Variants in ZNF131 observed in about 807,000 individuals in gnomAD.
ZNF131 encodes zinc finger and BTB domain containing 35, also known as zinc finger protein 131.
A neutral mutation model predicts 60.0 loss-of-function variants in ZNF131; 7 were observed. That is an observed-to-expected ratio of 0.12 (90% CI 0.07 to 0.22). The LOEUF is 0.22. Ranked by LOEUF, ZNF131 falls within the 10% of genes least tolerant of loss-of-function variation. The pLI is 1.00. For missense variants in ZNF131, 493 were observed against 740.9 expected (o/e 0.67, Z 3.88); for synonymous variants, 257 against 253.2 (o/e 1.01, Z -0.14).
rs1180633441 is a variant in ZNF131, at chr5:43,128,674, A to C, written c.226+5364A>C. Among the ~76,000 whole-genome samples the C allele has an allele frequency of 3.5e-3, 536 of 151,268 alleles. 4 individuals are homozygous for C. The highest frequency in any genetic ancestry group is 0.012 in the African/African-American group (509 of 41,302). ...TCCATCTCAAAAAAAAAAAAAAAAA[A>C]AAACACACCTGGGGTGCTCATAATA... is the stretch of plus-strand genomic sequence containing the variant. On this transcript the variant is annotated intron_variant, in intron 3 of 6. Transcript: ENST00000682664.
At chr5:43,159,907 G>T (rs948428416) in intron 4 of ZNF131, among the ~76,000 whole-genome samples, 6 of 151,982 alleles carry the variant, frequency 3.9e-5, no homozygotes, top group Non-Finnish European at 8.8e-5. Context: ...GGGCGCGGTG[G>T]CCCACGCCTG....
intron 2 of ZNF131, 69 bp downstream of exon 2, chr5:43,122,246 CTTTT>C (rs35497367): frequency 0.019 from 18,882 of 1,014,656 alleles, no homozygotes; most frequent in Middle Eastern, 0.032. Context: ...GGACACCCGC[CTTTT>C]TTTTTTTTTT....
At chr5:43,124,413 C>T (rs530673782) in intron 3 of ZNF131, 1 of 152,198 alleles carries the variant, frequency 6.6e-6, no homozygotes, top group South Asian at 2.1e-4. Context: ...TGCCTAGAAA[C>T]TCCTTTTTTC....
At chr5:43,138,478 C>A (rs939980397) in intron 3 of ZNF131, among the ~76,000 whole-genome samples, 1 of 152,044 alleles carries the variant, frequency 6.6e-6, no homozygotes, top group Non-Finnish European at 1.5e-5. Flanking sequence ...CATGGGGAAA[C>A]CCCATCTCTA....
At chr5:43,131,324 C>T (rs377728732) in intron 3 of ZNF131, among the ~76,000 whole-genome samples, 4 of 151,716 alleles carry the variant, frequency 2.6e-5, no homozygotes, top group Non-Finnish European at 4.4e-5. Flanking sequence ...AGGCGTGCAC[C>T]ACCACACCCG....
intron 5 of ZNF131, among the ~76,000 whole-genome samples, chr5:43,167,500 G>A (rs1219234519): frequency 1.3e-5 from 2 of 152,012 alleles, no homozygotes; most frequent in African/African-American, 4.8e-5. Flanking sequence ...TTCTCAAAAC[G>A]TATATACCCC....
chr5:43,147,899 A>G (rs1021196366), intron 4 of ZNF131, among the ~76,000 whole-genome samples: 1 of 151,644 alleles, frequency 6.6e-6, no homozygotes, highest in Non-Finnish European at 1.5e-5. Flanking sequence ...CTAAAAATAC[A>G]AAAAAATATC....
intron 3 of ZNF131, among the ~76,000 whole-genome samples, chr5:43,138,079 G>C (rs929886967): frequency 6.6e-6 from 1 of 152,166 alleles, no homozygotes; most frequent in Non-Finnish European, 1.5e-5. Flanking sequence ...GTTGCTAGGG[G>C]CTGGGAGGGA....
At chr5:43,134,533 C>T (rs530263649) in intron 3 of ZNF131, among the ~76,000 whole-genome samples, 1 of 152,008 alleles carries the variant, frequency 6.6e-6, no homozygotes, top group Admixed American at 6.6e-5. Context: ...GAAGTAAATG[C>T]CATCCAAGTA....
intron 5 of ZNF131, among the ~76,000 whole-genome samples, chr5:43,162,632 G>A (rs1307095969): frequency 2.7e-5 from 4 of 149,864 alleles, no homozygotes; most frequent in Non-Finnish European, 5.9e-5. Flanking sequence ...GGCCAGGCGC[G>A]GTGGCTCACG....
intron 4 of ZNF131, among the ~76,000 whole-genome samples, chr5:43,153,058 A>G (rs1460618850): frequency 2.0e-5 from 3 of 152,154 alleles, no homozygotes; most frequent in Non-Finnish European, 4.4e-5. Context: ...AAGGTCAGGT[A>G]CAAGAAGGGC....
At chr5:43,135,249 C>A (rs945033190) in intron 3 of ZNF131, among the ~76,000 whole-genome samples, 2 of 149,224 alleles carry the variant, frequency 1.3e-5, no homozygotes, top group Non-Finnish European at 3.0e-5. Context: ...CCAACCTCGG[C>A]CTCCCAAAGT....
At chr5:43,126,560 T>G (rs1744576289) in intron 3 of ZNF131, among the ~76,000 whole-genome samples, 1 of 152,204 alleles carries the variant, frequency 6.6e-6, no homozygotes, top group Non-Finnish European at 1.5e-5. Context: ...AAGAGTTTCT[T>G]TTCGTGGTTC....
chr5:43,144,073 C>A (rs1292771102), intron 4 of ZNF131, among the ~76,000 whole-genome samples: 2 of 150,782 alleles, frequency 1.3e-5, no homozygotes, highest in African/African-American at 4.9e-5. Context: ...CAGGCACTCG[C>A]CACCACGCCC....
chr5:43,135,952 T>TA (rs1186916347), intron 3 of ZNF131, among the ~76,000 whole-genome samples: 1 of 151,848 alleles, frequency 6.6e-6, no homozygotes, highest in African/African-American at 2.4e-5. Flanking sequence ...CTGTCTCTAC[T>TA]AAAAATATAA....
chr5:43,163,122 A>G (rs1437479200), intron 5 of ZNF131, among the ~76,000 whole-genome samples: 2 of 151,128 alleles, frequency 1.3e-5, no homozygotes, highest in Non-Finnish European at 3.0e-5. Context: ...ACAGGCGAGC[A>G]CCACCACGCC....
chr5:43,151,993 T>A (rs1486807548), intron 4 of ZNF131, among the ~76,000 whole-genome samples: 2 of 56,944 alleles, frequency 3.5e-5, no homozygotes, highest in African/African-American at 1.4e-4. Context: ...TCAGTTGACT[T>A]CTTTCCTATT....
chr5:43,140,448 T>C (rs1204927466), intron 4 of ZNF131, among the ~76,000 whole-genome samples: 1 of 152,224 alleles, frequency 6.6e-6, no homozygotes, highest in Admixed American at 6.5e-5. Flanking sequence ...CGGTACTTTC[T>C]ACATGGGATT....
intron 3 of ZNF131, chr5:43,124,138 A>G (rs2112101636): frequency 6.6e-6 from 1 of 152,222 alleles, no homozygotes; most frequent in Non-Finnish European, 1.5e-5. Flanking sequence ...GTTATTTGTA[A>G]TAATTTACAC....
Sources: gnomAD v4.1 joint callset for allele counts (sites outside exome capture counted in the v4.1 genomes callset) on GRCh38, gnomAD v4.1.1 for gene constraint, MANE v1.5 for transcripts, NCBI Gene and HGNC (gene_info 2026-07-23, HGNC 2026-07-21) for gene names.